The following IPO11 variants were observed in gnomAD, a reference collection of about 807,000 sequenced individuals.
IPO11 encodes importin 11, also known as importin-11.
In IPO11, 66 loss-of-function variants were observed where a neutral mutation model predicts 143.2. The observed-to-expected ratio is 0.46, with a 90% CI of 0.38 to 0.57. The LOEUF is 0.57. Among genes scored for constraint, IPO11 ranks in the 20% least tolerant of loss-of-function variants. The pLI, the probability that IPO11 is intolerant of heterozygous loss-of-function variation, is 0.00. For missense variants in IPO11, 1,026 were observed against 1,141.0 expected (o/e 0.90, Z 1.45); for synonymous variants, 385 against 377.8 (o/e 1.02, Z -0.22).
chr5:62,547,105 A>G (rs1359877959), intron 24 of IPO11, among the ~76,000 whole-genome samples: 2 of 152,156 alleles, frequency 1.3e-5, no homozygotes, highest in Admixed American at 6.6e-5. Flanking sequence ...TGAGAAGAAT[A>G]TTTCAAGTCA....
At chr5:62,481,294 A>G (rs1253858944) in intron 9 of IPO11, among the ~76,000 whole-genome samples, 5 of 152,066 alleles carry the variant, frequency 3.3e-5, no homozygotes, top group African/African-American at 2.4e-5. Context: ...TTCCAACACT[A>G]TGTTGAATAG....
intron 5 of IPO11, among the ~76,000 whole-genome samples, chr5:62,452,797 G>A (rs561201467): frequency 6.7e-6 from 1 of 149,338 alleles, no homozygotes; most frequent in East Asian, 1.9e-4. Flanking sequence ...CTGTCACCCA[G>A]GGTGTAGTAC....
rs371457878 is a variant in IPO11 at position 62,532,077 on chromosome 5, A to G, written c.2089+1292A>G. 2.0e-5 allele frequency among the ~76,000 whole-genome samples: 3 copies of G among 152,280 alleles called. No individual in the cohort carries two copies. In the East Asian group the frequency reaches 5.8e-4, roughly 29 times the overall value. ...ATTAGACACCTCAGCCAGCCCTTTT[A>G]CCAACTTTGTCGTGAACAACATTCA... is the stretch of plus-strand genomic sequence containing the variant. On this transcript the variant is annotated intron_variant, in intron 22 of 29. Transcript: ENST00000325324.
At chr5:62,487,212 G>C (rs2112230931) in intron 12 of IPO11, among the ~76,000 whole-genome samples, 1 of 152,156 alleles carries the variant, frequency 6.6e-6, no homozygotes, top group East Asian at 1.9e-4. Context: ...TTAAGAGAAA[G>C]GCTACTTTAT....
At chr5:62,571,508 C>T (rs137925567) in intron 27 of IPO11, among the ~76,000 whole-genome samples, 1 of 152,152 alleles carries the variant, frequency 6.6e-6, no homozygotes, top group East Asian at 1.9e-4. Context: ...GTGATGATAC[C>T]AGCTTATTCA....
At position 62,443,063 on chromosome 5, in the gene IPO11, C is replaced by T; in HGVS notation, c.219C>T (p.Tyr73=). 6.2e-7 allele frequency: 1 copy of T among 1,609,462 alleles called. No homozygotes were observed. Among genetic ancestry groups the T allele is most frequent in the Non-Finnish European group, 8.5e-7 (1 of 1,176,924 alleles). The change falls in exon 3 of 30, where the codon TAC becomes TAT. Residue 73 remains tyrosine (Y), a synonymous_variant. Coordinates refer to ENST00000325324, the MANE Select transcript of IPO11 (RefSeq NM_016338.5). ...VLYFKHGIDR[Y]WRRVAPHALS... The stretch of plus-strand genomic sequence containing the variant: ...ATTTTAAACATGGAATTGATCGCTA[C>T]TGGAGACGTGTAGCACCTCAGTAAG...
intron 27 of IPO11, chr5:62,581,057 T>C: frequency 1.9e-6 from 3 of 1,549,864 alleles, no homozygotes; most frequent in Non-Finnish European, 2.6e-6. Flanking sequence ...TTAGCTTGTG[T>C]TTTAATCATT....
At chr5:62,601,487 G>C (rs576351723) in intron 28 of IPO11, among the ~76,000 whole-genome samples, 1 of 152,230 alleles carries the variant, frequency 6.6e-6, no homozygotes. Context: ...TCAGCTGATG[G>C]TTCATTGTTT....
chr5:62,575,940 C>CT (rs1382821062), intron 27 of IPO11: 2 of 151,984 alleles, frequency 1.3e-5, no homozygotes, highest in African/African-American at 4.8e-5. Flanking sequence ...CTTTATTTAC[C>CT]TTTCATTAGT....
At chr5:62,617,843 T>G (rs1415216402) in intron 29 of IPO11, among the ~76,000 whole-genome samples, 3 of 152,136 alleles carry the variant, frequency 2.0e-5, no homozygotes, top group African/African-American at 7.2e-5. Context: ...GGTGCAAAAT[T>G]TATCTTATTT....
At chr5:62,486,942 ACAC>A (rs1203712744) in intron 12 of IPO11, among the ~76,000 whole-genome samples, 2 of 152,166 alleles carry the variant, frequency 1.3e-5, no homozygotes. Flanking sequence ...TCCTTTTAAA[ACAC>A]CACACAATAC....
In IPO11 at chr5:62,579,721, A is replaced by G. The variant is rs750106580; in HGVS notation, c.2583-11856A>G. 97 of 1,548,332 alleles carry G rather than the reference A, an allele frequency of 6.3e-5. 1 individual carries two copies. Among genetic ancestry groups the G allele is most frequent in the East Asian group, 1.2e-4 (5 of 40,864 alleles). On this transcript the variant is annotated intron_variant, in intron 27 of 29. Coordinates refer to ENST00000325324, the MANE Select transcript of IPO11 (RefSeq NM_016338.5). ...TGTAGCATTGTATTTGGATAATTCT[A>G]ACATTCTGTATGTATATCCAAAAGC...
intron 27 of IPO11, among the ~76,000 whole-genome samples, chr5:62,588,918 A>C (rs1383581660): frequency 6.6e-6 from 1 of 152,200 alleles, no homozygotes; most frequent in Non-Finnish European, 1.5e-5. Flanking sequence ...CCAACTGCTT[A>C]CTCACCCACG....
intron 3 of IPO11, among the ~76,000 whole-genome samples, chr5:62,446,734 C>T (rs1001863998): frequency 1.3e-5 from 2 of 152,086 alleles, no homozygotes; most frequent in African/African-American, 2.4e-5. Flanking sequence ...CTTGGGAGGC[C>T]GAGGCGGGCA....
intron 24 of IPO11, among the ~76,000 whole-genome samples, chr5:62,546,195 A>C (rs1355049288): frequency 6.6e-6 from 1 of 152,162 alleles, no homozygotes; most frequent in Non-Finnish European, 1.5e-5. Context: ...CTTGGAACCA[A>C]CCCAAATGTC....
intron 2 of IPO11, among the ~76,000 whole-genome samples, chr5:62,440,821 G>A (rs1744444576): frequency 6.6e-6 from 1 of 151,942 alleles, no homozygotes; most frequent in Non-Finnish European, 1.5e-5. Context: ...AAATTAGCCG[G>A]GAGTGGTGGT....
At chr5:62,496,802 T>C (rs1741174709) in intron 16 of IPO11, among the ~76,000 whole-genome samples, 1 of 152,218 alleles carries the variant, frequency 6.6e-6, no homozygotes. Flanking sequence ...ATTGCTACAC[T>C]GAGGAAAACT....
intron 1 of IPO11, among the ~76,000 whole-genome samples, chr5:62,426,270 C>A (rs758679567): frequency 6.6e-6 from 1 of 152,086 alleles, no homozygotes; most frequent in East Asian, 1.9e-4. Context: ...ACCTGTAATC[C>A]CAGCTACTTG....
chr5:62,565,399 T>C (rs1453830559), intron 27 of IPO11, among the ~76,000 whole-genome samples: 1 of 152,246 alleles, frequency 6.6e-6, no homozygotes, highest in South Asian at 2.1e-4. Flanking sequence ...GGCAGGAGAA[T>C]TGCTTGAACC....
Sources: allele counts gnomAD v4.1 joint callset (sites outside exome capture counted in the v4.1 genomes callset), GRCh38; gene constraint gnomAD v4.1.1; transcripts MANE v1.5; gene names NCBI Gene and HGNC (gene_info 2026-07-23, HGNC 2026-07-21).